Variants in TMCC1 observed in about 807,000 individuals in gnomAD.
The protein encoded by TMCC1 is transmembrane and coiled-coil domains protein 1.
In TMCC1, 15 loss-of-function variants were observed where a neutral mutation model predicts 52.4. That is an observed-to-expected ratio of 0.29 (90% CI 0.19 to 0.44). The LOEUF (loss-of-function observed/expected upper bound fraction) is 0.44, where lower values mean the gene tolerates loss of function less well. TMCC1 is among the 20% of genes least tolerant of loss of function. The pLI is 1.00. For missense variants in TMCC1, 503 were observed against 806.0 expected (o/e 0.62, Z 4.55); for synonymous variants, 279 against 301.9 (o/e 0.92, Z 0.79).
At chr3:129,658,667 G>C (rs1199540147) in intron 5 of TMCC1, among the ~76,000 whole-genome samples, 1 of 152,194 alleles carries the variant, frequency 6.6e-6, no homozygotes, top group Admixed American at 6.5e-5. Flanking sequence ...AGAAAGAGGT[G>C]AAACAGCAGA....
chr3:129,719,919 C>T (rs1203673012), intron 4 of TMCC1, among the ~76,000 whole-genome samples: 1 of 152,084 alleles, frequency 6.6e-6, no homozygotes. Context: ...TGTCTCATGC[C>T]TGTAATCTCA....
intron 4 of TMCC1, among the ~76,000 whole-genome samples, chr3:129,744,877 A>G (rs749716972): frequency 4.6e-5 from 7 of 152,342 alleles, no homozygotes; most frequent in African/African-American, 1.2e-4. Flanking sequence ...TCAGCTTACA[A>G]AGCCTATCTG....
chr3:129,858,737 C>G (rs898477814), intron 2 of TMCC1, among the ~76,000 whole-genome samples: 1 of 152,118 alleles, frequency 6.6e-6, no homozygotes, highest in African/African-American at 2.4e-5. Context: ...AGGGTCCTCA[C>G]ATTTAACATC....
chr3:129,835,894 C>G (rs2059137375), intron 2 of TMCC1, among the ~76,000 whole-genome samples: 1 of 151,880 alleles, frequency 6.6e-6, no homozygotes, highest in Non-Finnish European at 1.5e-5. Context: ...ATTTAAGCAG[C>G]AAAATATAAG....
At chr3:129,817,231 C>T (rs749273154) in intron 4 of TMCC1, among the ~76,000 whole-genome samples, 1 of 152,018 alleles carries the variant, frequency 6.6e-6, no homozygotes, top group Non-Finnish European at 1.5e-5. Context: ...GGCACAGTGT[C>T]AACTGTTATT....
chr3:129,677,874 CAG>C (rs1376716166), intron 4 of TMCC1, among the ~76,000 whole-genome samples: 1 of 152,240 alleles, frequency 6.6e-6, no homozygotes, highest in Non-Finnish European at 1.5e-5. Flanking sequence ...ATACTAGACT[CAG>C]ATATCCAACT....
chr3:129,693,155 AT>A (rs1359886668), intron 4 of TMCC1, among the ~76,000 whole-genome samples: 1 of 152,206 alleles, frequency 6.6e-6, no homozygotes, highest in Non-Finnish European at 1.5e-5. Context: ...TTTTGGCAAC[AT>A]TTAATCAGCT....
At chr3:129,892,879 C>T (rs2108026546) in intron 1 of TMCC1, 1 of 152,488 alleles carries the variant, frequency 6.6e-6, no homozygotes, top group East Asian at 1.9e-4. Flanking sequence ...TTTCCCCTAT[C>T]CTACAGGGGT....
intron 4 of TMCC1, among the ~76,000 whole-genome samples, chr3:129,728,229 C>A (rs1374482645): frequency 6.6e-6 from 1 of 152,166 alleles, no homozygotes; most frequent in African/African-American, 2.4e-5. Context: ...ACCAGAAGTG[C>A]CTGTTCAACC....
At chr3:129,819,859 G>C (rs2058323053) in intron 4 of TMCC1, 1 of 151,954 alleles carries the variant, frequency 6.6e-6, no homozygotes, top group Non-Finnish European at 1.5e-5. Context: ...AAAAACTCGT[G>C]AAACACTCCA....
chr3:129,866,539 G>A (rs553709453), intron 2 of TMCC1, among the ~76,000 whole-genome samples: 6 of 151,134 alleles, frequency 4.0e-5, no homozygotes, highest in African/African-American at 9.7e-5. Context: ...CACCACGCCC[G>A]GCTAATTTTT....
At chr3:129,726,274 C>A (rs2050073739) in intron 4 of TMCC1, among the ~76,000 whole-genome samples, 1 of 152,186 alleles carries the variant, frequency 6.6e-6, no homozygotes, top group Non-Finnish European at 1.5e-5. Flanking sequence ...ATGTGCCAGG[C>A]ACACTATATG....
chr3:129,804,276 A>C (rs2057342217), intron 4 of TMCC1, among the ~76,000 whole-genome samples: 1 of 152,210 alleles, frequency 6.6e-6, no homozygotes, highest in East Asian at 1.9e-4. Context: ...CCTGATGGAA[A>C]ATATAATGCC....
chr3:129,654,977 C>A lies in TMCC1; in HGVS notation c.1638G>T (p.Arg546=). ...TTTCCTTCATACTAACCTGGATGTC[C>A]CGGGCCCGTTCATAGGACTGATACG... The part of the protein sequence containing the change: ...KIAYQSYERA[R]DIQEALEACQ... The change falls in exon 6 of 7, where the codon CGG becomes CGT. Residue 546 remains arginine (R), a synonymous_variant. Transcript: ENST00000393238. The A allele has an allele frequency of 6.2e-7, 1 of 1,613,830 alleles. No individual in the cohort carries two copies. Among genetic ancestry groups the A allele is most frequent in the South Asian group, 1.1e-5 (1 of 91,070 alleles).
rs534011432 is a variant in TMCC1 at position 129,653,504 on chromosome 3, C to T, written c.1647+1464G>A. Among the ~76,000 whole-genome samples the T allele has an allele frequency of 2.4e-4, 36 of 152,312 alleles. 1 individual carries two copies. In the South Asian group the frequency reaches 6.2e-3, roughly 26 times the overall value. The stretch of plus-strand genomic sequence containing the variant: ...TGTCACCCAGGCTAGAGTGCAGCGG[C>T]GCGATCTCAGCTCACTGCCAGCTCC... On this transcript the variant is annotated intron_variant, in intron 6 of 6. Transcript: ENST00000393238.
chr3:129,859,289 A>C (rs1560564569), intron 2 of TMCC1, among the ~76,000 whole-genome samples: 1 of 152,186 alleles, frequency 6.6e-6, no homozygotes, highest in Non-Finnish European at 1.5e-5. Flanking sequence ...CACGTAAGTC[A>C]CTATGAAGCA....
intron 4 of TMCC1, among the ~76,000 whole-genome samples, chr3:129,744,064 T>C (rs2051701541): frequency 6.6e-6 from 1 of 152,200 alleles, no homozygotes; most frequent in Non-Finnish European, 1.5e-5. Context: ...TGTAAGTTTC[T>C]GGATTAATTC....
At chr3:129,879,555 A>C (rs767998019) in intron 2 of TMCC1, among the ~76,000 whole-genome samples, 3 of 152,244 alleles carry the variant, frequency 2.0e-5, no homozygotes, top group Non-Finnish European at 4.4e-5. Flanking sequence ...TCTTTCATGC[A>C]AATTTTCTTA....
At position 129,740,210 on chromosome 3, in the gene TMCC1, C is replaced by T. The variant is rs561325267; in HGVS notation, c.577-68946G>A. ...TACCTTTCCTGTTCCATACTTCCATCTCAGATGTATTCTCCTAGATACCAA... is the reference window on the plus strand; with the variant it reads ...TACCTTTCCTGTTCCATACTTCCATTTCAGATGTATTCTCCTAGATACCAA... On this transcript the variant is annotated intron_variant, in intron 4 of 6. Coordinates refer to ENST00000393238, the MANE Select transcript of TMCC1 (RefSeq NM_001017395.5). 2.6e-5 allele frequency among the ~76,000 whole-genome samples: 4 copies of T among 152,316 alleles called. No individual in the cohort carries two copies. In the East Asian group the frequency reaches 7.7e-4, roughly 29 times the overall value.
Sources: allele counts gnomAD v4.1 joint callset (sites outside exome capture counted in the v4.1 genomes callset), GRCh38; gene constraint gnomAD v4.1.1; transcripts MANE v1.5; gene names NCBI Gene and HGNC (gene_info 2026-07-23, HGNC 2026-07-21).